PDE1A: variants seen among roughly 807,000 people sequenced by gnomAD.
The protein encoded by PDE1A is dual specificity calcium/calmodulin-dependent 3',5'-cyclic nucleotide phosphodiesterase 1A.
In PDE1A, 35 loss-of-function variants were observed where a neutral mutation model predicts 61.7. That is an observed-to-expected ratio of 0.57 (90% CI 0.43 to 0.75). The LOEUF (loss-of-function observed/expected upper bound fraction) is 0.75, where lower values mean the gene tolerates loss of function less well. PDE1A is among the 30% of genes least tolerant of loss of function. PDE1A has a pLI of 0.00. For missense variants in PDE1A, 597 were observed against 630.6 expected, an observed-to-expected ratio of 0.95 and a Z score of 0.57; for synonymous variants, 232 against 213.2, an observed-to-expected ratio of 1.09 and a Z score of -0.77.
Position 182,268,591 on chromosome 2 carries a change from G to A in PDE1A, c.54-4177C>T, listed in dbSNP as rs116335474. ...AAATGTCAAACTGCAGGTATTTCCCGTTGCTTCTTTTATGCACACCCTAAT... is the reference window on the plus strand; with the variant it reads ...AAATGTCAAACTGCAGGTATTTCCCATTGCTTCTTTTATGCACACCCTAAT... On this transcript the variant is annotated intron_variant, in intron 1 of 13. Transcript: ENST00000351439. 4.3e-3 allele frequency among the ~76,000 whole-genome samples: 653 copies of A among 152,054 alleles called. 3 individuals carry two copies. The highest frequency in any genetic ancestry group is 6.8e-3 in the Non-Finnish European group (465 of 67,982).
At position 182,264,515 on chromosome 2, in the gene PDE1A, A is replaced by G. The variant is rs10930999; in HGVS notation, c.54-101T>C. ...AATACACTCAGTTAAGATTTTTAAC[A>G]TAGCTATTTCTAGGTCAACAAATAG... On this transcript the variant is annotated intron_variant, in intron 1 of 13. Coordinates refer to ENST00000351439, the Ensembl canonical transcript of PDE1A. 175,462 of 747,170 alleles carry G rather than the reference A, an allele frequency of 0.23. 22,277 individuals are homozygous for G. The highest frequency in any genetic ancestry group is 0.34 in the Admixed American group (12,687 of 36,836). The allele number at this position is 747,170 out of a possible 1,614,324, so 46.3% of individuals were successfully genotyped here. A position where few individuals can be genotyped will look rare whatever the true frequency, so the allele number is the denominator to read the frequency against.
In PDE1A at chr2:182,201,432, G is replaced by A. The variant is rs1686621040; in HGVS notation, c.1125+7C>T. 2 of 1,613,256 alleles carry A rather than the reference G, an allele frequency of 1.2e-6. No individual in the cohort carries two copies. The highest frequency in any genetic ancestry group is 1.7e-5 in the Admixed American group (1 of 59,894). On this transcript the variant is annotated splice_region_variant and intron_variant, in intron 10 of 13. Transcript: ENST00000351439. ...AAAAACATTTGCACAGAGTGTGAAA[G>A]AGGCACCTGCAGGAAAAACTCCTCC...
chr2:182,449,951 T>C (rs1685403800), intron 2 of PDE1A, among the ~76,000 whole-genome samples: 1 of 152,084 alleles, frequency 6.6e-6, no homozygotes, highest in Non-Finnish European at 1.5e-5. Flanking sequence ...TCAGCTATTA[T>C]ACCAAACTCA....
chr2:182,181,876 G>A lies in PDE1A; in HGVS notation c.1516+4016C>T, dbSNP rs551930666. Among the ~76,000 whole-genome samples, 6 of 152,238 alleles carry A rather than the reference G, an allele frequency of 3.9e-5. No individual in the cohort carries two copies. The South Asian group carries it at 1.0e-3, about 26-fold the overall frequency. On this transcript the variant is annotated intron_variant, in intron 13 of 13. Coordinates refer to ENST00000351439, the Ensembl canonical transcript of PDE1A. The stretch of plus-strand genomic sequence containing the variant: ...CTCAGTCTCCTTCACACTGTCAGGG[G>A]AAAACCGCCTACTAAAGCCCAGCAG...
chr2:182,654,764 C>T, the PDE1A span, among the ~76,000 whole-genome samples: 1 of 152,150 alleles, frequency 6.6e-6, no homozygotes, highest in African/African-American at 2.4e-5. Flanking sequence ...CTCTCTAGCT[C>T]AGTCTGGAAT....
chr2:182,146,844 A>ATT (rs1284567517), downstream of PDE1A, among the ~76,000 whole-genome samples: 1 of 152,152 alleles, frequency 6.6e-6, no homozygotes, highest in Non-Finnish European at 1.5e-5. Context: ...ATTTTTGTTG[A>ATT]TTAACAAATT....
intron 1 of PDE1A, among the ~76,000 whole-genome samples, chr2:182,329,899 T>C (rs1271771049): frequency 6.6e-6 from 1 of 152,212 alleles, no homozygotes; most frequent in African/African-American, 2.4e-5. Flanking sequence ...TTGTTTTCTG[T>C]TTTGTTTTTG....
At chr2:182,715,367 T>C in the PDE1A span, among the ~76,000 whole-genome samples, 1 of 152,216 alleles carries the variant, frequency 6.6e-6, no homozygotes, top group African/African-American at 2.4e-5. Flanking sequence ...TGTTTGCCTT[T>C]GTTCATTCTA....
chr2:182,526,633 T>A (rs1433057702), upstream of PDE1A, among the ~76,000 whole-genome samples: 1 of 152,214 alleles, frequency 6.6e-6, no homozygotes, highest in South Asian at 2.1e-4. Context: ...ATCTATGAGT[T>A]TGATTAAACT....
chr2:182,205,892 A>T lies in PDE1A; in HGVS notation c.902+48T>A, dbSNP rs1344773. Reference sequence around the variant, plus strand: ...TTCTTGACTTTAAATCGCATAATTTATTCCTTTCCTGAAATTAAATTTCCT... The same window carrying T: ...TTCTTGACTTTAAATCGCATAATTTTTTCCTTTCCTGAAATTAAATTTCCT... On this transcript the variant is annotated intron_variant, in intron 8 of 13. Transcript: ENST00000351439. 0.32 allele frequency: 494,524 copies of T among 1,530,600 alleles called. 82,044 individuals are homozygous for T. The highest frequency in any genetic ancestry group is 0.33 in the Non-Finnish European group (374,949 of 1,120,192). The allele number at this position is 1,530,600 out of a possible 1,614,324, so 94.8% of individuals were successfully genotyped here. A position where few individuals can be genotyped will look rare whatever the true frequency, so the allele number is the denominator to read the frequency against.
intron 3 of PDE1A, 148 bp downstream of exon 3, chr2:182,239,962 A>G: frequency 1.8e-6 from 1 of 570,840 alleles, no homozygotes; most frequent in Non-Finnish European, 2.8e-6. Flanking sequence ...AGTTCATCAT[A>G]AAGTCCCAAA....
intron 1 of PDE1A, among the ~76,000 whole-genome samples, chr2:182,344,822 C>T (rs1415111516): frequency 6.6e-6 from 1 of 151,828 alleles, no homozygotes; most frequent in Admixed American, 6.6e-5. Context: ...TTTAAGAAAG[C>T]ATCTCATCCA....
chr2:182,677,233 T>C, the PDE1A span, among the ~76,000 whole-genome samples: 9 of 152,206 alleles, frequency 5.9e-5, no homozygotes, highest in Non-Finnish European at 1.2e-4. Context: ...ACAAAATCAA[T>C]GTACAAAGAT....
Position 182,223,773 on chromosome 2 carries a change from T to C in PDE1A, c.776+91A>G, listed in dbSNP as rs996141869. On this transcript the variant is annotated intron_variant, in intron 7 of 13. Transcript: ENST00000351439. ...AATTAAACCTGTTCTTATTAGAATC[T>C]TTATTATTTTTTAAAAATCCTCTTA... 7.0e-6 allele frequency: 5 copies of C among 709,886 alleles called. No homozygotes were observed. The African/African-American group carries it at 7.6e-5, about 11-fold the overall frequency. The allele number at this position is 709,886 out of a possible 1,614,324, so 44.0% of individuals were successfully genotyped here.
the PDE1A span, among the ~76,000 whole-genome samples, chr2:182,541,485 C>T: frequency 6.6e-6 from 1 of 152,104 alleles, no homozygotes; most frequent in Non-Finnish European, 1.5e-5. Context: ...CACAGAACTT[C>T]CTTCACTAGG....
At chr2:182,251,144 G>A (rs764348651) in intron 2 of PDE1A, among the ~76,000 whole-genome samples, 9 of 152,104 alleles carry the variant, frequency 5.9e-5, no homozygotes, top group Non-Finnish European at 1.3e-4. Context: ...AACAAATTTT[G>A]ATTAATAAGC....
intron 2 of PDE1A, among the ~76,000 whole-genome samples, chr2:182,446,015 C>T (rs1685107563): frequency 6.6e-6 from 1 of 152,008 alleles, no homozygotes; most frequent in South Asian, 2.1e-4. Flanking sequence ...ACTTAAAATG[C>T]TAATATGCAA....
intron 10 of PDE1A, among the ~76,000 whole-genome samples, chr2:182,191,298 G>A (rs190808039): frequency 1.7e-4 from 26 of 152,174 alleles, no homozygotes; most frequent in African/African-American, 6.3e-4. Flanking sequence ...AGATGATCTG[G>A]GTGGGGGAAA....
chr2:182,475,450 T>G (rs1445915490), intron 2 of PDE1A, among the ~76,000 whole-genome samples: 1 of 151,868 alleles, frequency 6.6e-6, no homozygotes, highest in African/African-American at 2.4e-5. Flanking sequence ...GGGAATAAAT[T>G]TGCAAACTGA....
Sources: allele counts gnomAD v4.1 joint callset (sites outside exome capture counted in the v4.1 genomes callset), GRCh38; gene constraint gnomAD v4.1.1; transcripts MANE v1.5; gene names NCBI Gene and HGNC (gene_info 2026-07-23, HGNC 2026-07-21).